Variants in OVOL1 observed in about 807,000 individuals in gnomAD.
OVOL1 encodes putative transcription factor Ovo-like 1.
A neutral mutation model predicts 21.5 loss-of-function variants in OVOL1; 10 were observed. The observed-to-expected ratio is 0.46, with a 90% CI of 0.29 to 0.79. OVOL1 has a LOEUF of 0.79. Ranked by LOEUF, OVOL1 falls within the 30% of genes least tolerant of loss-of-function variation. OVOL1 has a pLI of 0.10. For missense variants in OVOL1, 279 were observed against 362.3 expected, an observed-to-expected ratio of 0.77 and a Z score of 1.87; for synonymous variants, 129 against 150.3, an observed-to-expected ratio of 0.86 and a Z score of 1.03.
At chr11:65,790,679 G>A (rs941077174) in intron 1 of OVOL1, 8 of 152,584 alleles carry the variant, frequency 5.2e-5, no homozygotes, top group African/African-American at 1.4e-4. Context: ...CAGGGAGCGG[G>A]GCTGGGAGAG....
At chr11:65,794,753 G>A (rs938368097) in intron 3 of OVOL1, 26 bp downstream of exon 3, 2 of 1,604,818 alleles carry the variant, frequency 1.2e-6, no homozygotes, top group Admixed American at 1.7e-5. Context: ...CGGCTGGGAG[G>A]AGCACGCCGG....
At chr11:65,793,918 T>G in intron 1 of OVOL1, 113 bp from the exon 2 acceptor site, 1 of 771,330 alleles carries the variant, frequency 1.3e-6, no homozygotes, top group African/African-American at 1.7e-5. Context: ...ATGCCTGCGA[T>G]GGGAGGGACG....
chr11:65,787,349 C>A lies in OVOL1; in HGVS notation c.-25C>A. On this transcript the variant is annotated 5_prime_UTR_variant, in exon 1 of 4. Transcript: ENST00000335987. Reference sequence around the variant, plus strand: ...CCCGGCTTCAGTTACGGAAGCGGCCCGTGTCCAGCGACGAGGGTTCGAAAA... The same window carrying A: ...CCCGGCTTCAGTTACGGAAGCGGCCAGTGTCCAGCGACGAGGGTTCGAAAA... 6.5e-7 allele frequency: 1 copy of A among 1,550,306 alleles called. No individual in the cohort carries two copies. Among genetic ancestry groups the A allele is most frequent in the Non-Finnish European group, 8.7e-7 (1 of 1,144,686 alleles).
Position 65,795,378 on chromosome 11 carries a change from A to C in OVOL1, c.*37A>C. 1 of 1,528,362 alleles carries C rather than the reference A, an allele frequency of 6.5e-7. No individual in the cohort carries two copies. The highest frequency in any genetic ancestry group is 8.8e-7 in the Non-Finnish European group (1 of 1,137,552). 94.7% of individuals were successfully genotyped at this position (1,528,362 alleles called of 1,614,324 possible). ...CCTGGGGGTGCTCCTGGAAGCCCCA[A>C]GAGCATCCAGGATTGCCTCCCAGCT... is the stretch of plus-strand genomic sequence containing the variant. On this transcript the variant is annotated 3_prime_UTR_variant, in exon 4 of 4. Transcript: ENST00000335987. This position sits in a 1 kb window ranked among gnomAD's most constrained non-coding sequence, Gnocchi z 5.7.
At chr11:65,788,900 G>A (rs1214446948) in intron 1 of OVOL1, 42 of 985,352 alleles carry the variant, frequency 4.3e-5, no homozygotes, top group Non-Finnish European at 4.8e-5. Flanking sequence ...ACTCCCTGGT[G>A]AGCTGGCTGG....
At chr11:65,793,104 A>G (rs967348964) in intron 1 of OVOL1, among the ~76,000 whole-genome samples, 1 of 152,238 alleles carries the variant, frequency 6.6e-6, no homozygotes, top group African/African-American at 2.4e-5. Flanking sequence ...GAAGAAAAAT[A>G]TTAAGTTGAA....
intron 1 of OVOL1, among the ~76,000 whole-genome samples, chr11:65,793,542 C>T (rs1858066094): frequency 6.6e-6 from 1 of 152,152 alleles, no homozygotes; most frequent in African/African-American, 2.4e-5. Flanking sequence ...GGGTGGGAGG[C>T]AGGGCTAGGA....
At chr11:65,789,087 C>T (rs1857958383) in intron 1 of OVOL1, 1 of 984,696 alleles carries the variant, frequency 1.0e-6, no homozygotes, top group Non-Finnish European at 1.2e-6. Flanking sequence ...GCTCAGTGTG[C>T]TGTTATTTTT....
In OVOL1 at chr11:65,795,484, C is replaced by A. The variant is rs183016490; in HGVS notation, c.*143C>A. On this transcript the variant is annotated 3_prime_UTR_variant, in exon 4 of 4. Transcript: ENST00000335987. This position sits in a 1 kb window ranked among gnomAD's most constrained non-coding sequence, Gnocchi z 5.7. ...GGAGCCCCCGTGCCTTGGTCTCCCC[C>A]CTGGGCACACGTGCTCACTCAGGCC... 153 of 729,540 alleles carry A rather than the reference C, an allele frequency of 2.1e-4. No individual in the cohort carries two copies. The highest frequency in any genetic ancestry group is 1.0e-4 in the Non-Finnish European group (45 of 445,332). The allele number at this position is 729,540 out of a possible 1,614,324, so 45.2% of individuals were successfully genotyped here. A position where few individuals can be genotyped will look rare whatever the true frequency, so the allele number is the denominator to read the frequency against.
Position 65,795,222 on chromosome 11 carries a change from G to T in OVOL1, c.685G>T (p.Val229Phe), listed in dbSNP as rs142294960. ...GCTSESQEGHVLHLKEHHPDS... is the reference protein window; with the variant it reads ...GCTSESQEGHFLHLKEHHPDS... Reference sequence around the variant, plus strand: ...CACATCTGAGAGCCAGGAGGGCCACGTCCTGCACCTGAAGGAGCACCACCC... The same window carrying T: ...CACATCTGAGAGCCAGGAGGGCCACTTCCTGCACCTGAAGGAGCACCACCC... Residue 229 changes from valine to phenylalanine, a missense_variant, in exon 4 of 4, where the codon GTC becomes TTC. By Grantham distance (50) the Val-to-Phe change is conservative. Coordinates refer to ENST00000335987, the MANE Select transcript of OVOL1 (RefSeq NM_004561.4). The surrounding 1 kb of genome is among the most constrained non-coding windows in gnomAD (Gnocchi z 5.7). 8 of 1,613,412 alleles carry T rather than the reference G, an allele frequency of 5.0e-6. No individual in the cohort carries two copies. The highest frequency in any genetic ancestry group is 6.8e-6 in the Non-Finnish European group (8 of 1,180,032).
rs1470064865 is a variant in OVOL1, at chr11:65,795,333, C to T, written c.796C>T (p.His266Tyr). 1 of 1,598,828 alleles carries T rather than the reference C, an allele frequency of 6.3e-7. No individual in the cohort carries two copies. Among genetic ancestry groups the T allele is most frequent in the Non-Finnish European group, 8.5e-7 (1 of 1,174,214 alleles). Reference sequence around the variant, plus strand: ...CACTTCCCTGCTGCAGGGCAGCCCCCACCTGTGAGTGGCTCGAGCCCTGGG... The same window carrying T: ...CACTTCCCTGCTGCAGGGCAGCCCCTACCTGTGAGTGGCTCGAGCCCTGGG... ...TVTSLLQGSP[H>Y]L The change falls in exon 4 of 4, where the codon CAC becomes TAC. Residue 266 changes from histidine (H) to tyrosine (Y), a missense_variant. Physicochemically the swap from His to Tyr is moderately conservative, Grantham distance 83. Coordinates refer to ENST00000335987, the MANE Select transcript of OVOL1 (RefSeq NM_004561.4). The surrounding 1 kb of genome is among the most constrained non-coding windows in gnomAD (Gnocchi z 5.7).
chr11:65,789,965 G>C (rs1857978075), intron 1 of OVOL1: 1 of 152,258 alleles, frequency 6.6e-6, no homozygotes, highest in Non-Finnish European at 1.5e-5. Context: ...CCCCTGGGAA[G>C]AGGTGAAGAT....
chr11:65,791,810 G>A (rs969503913), intron 1 of OVOL1, among the ~76,000 whole-genome samples: 1 of 152,244 alleles, frequency 6.6e-6, no homozygotes, highest in South Asian at 2.1e-4. Flanking sequence ...TAGCGCCACC[G>A]CCTTGCCGGA....
intron 1 of OVOL1, chr11:65,789,586 G>C: frequency 1.3e-6 from 1 of 797,620 alleles, no homozygotes; most frequent in Non-Finnish European, 1.5e-6. Flanking sequence ...GCTGGAGAGT[G>C]GGGGTGCGTT....
At position 65,795,558 on chromosome 11, in the gene OVOL1, C is replaced by T. The variant is rs1858116360; in HGVS notation, c.*217C>T. 6 of 596,042 alleles carry T rather than the reference C, an allele frequency of 1.0e-5. No individual in the cohort carries two copies. Among genetic ancestry groups the T allele is most frequent in the Admixed American group, 3.0e-5 (1 of 33,868 alleles). 36.9% of individuals were successfully genotyped at this position (596,042 alleles called of 1,614,324 possible). On this transcript the variant is annotated 3_prime_UTR_variant, in exon 4 of 4. Transcript: ENST00000335987. This position sits in a 1 kb window ranked among gnomAD's most constrained non-coding sequence, Gnocchi z 5.7. ...TGCATTTTTGACTTATGGGCCGAGG[C>T]TGTTCTGAGCCTGGGAAGATGTACC... is the stretch of plus-strand genomic sequence containing the variant.
intron 1 of OVOL1, chr11:65,788,990 C>T: frequency 1.0e-6 from 1 of 985,480 alleles, no homozygotes; most frequent in Middle Eastern, 5.2e-4. Flanking sequence ...CCACCCTCAC[C>T]TGTGTTTGAC....
chr11:65,793,984 A>G (rs891042122), intron 1 of OVOL1, 47 bp from the exon 2 acceptor site: 4 of 1,503,140 alleles, frequency 2.7e-6, no homozygotes, highest in Non-Finnish European at 2.8e-6. Context: ...AACCCGCTGG[A>G]CCCTCTCTTC....
intron 2 of OVOL1, 70 bp from the exon 3 acceptor site, chr11:65,794,468 G>T (rs144561230): frequency 4.1e-6 from 6 of 1,471,684 alleles, no homozygotes; most frequent in Non-Finnish European, 5.6e-6. Context: ...TGGCATCCAC[G>T]TCTTCCCAAT....
chr11:65,788,157 C>T (rs1029899363), intron 1 of OVOL1, among the ~76,000 whole-genome samples: 5 of 152,348 alleles, frequency 3.3e-5, no homozygotes, highest in East Asian at 3.9e-4. Context: ...AAACGCACTT[C>T]CTTCACCTTG....
Sources: allele counts gnomAD v4.1 joint callset (sites outside exome capture counted in the v4.1 genomes callset), GRCh38; gene constraint gnomAD v4.1.1; non-coding constraint Gnocchi (gnomAD v3.1); transcripts MANE v1.5; gene names NCBI Gene and HGNC (gene_info 2026-07-23, HGNC 2026-07-21).